Variants in LRRC7 observed in about 807,000 individuals in gnomAD.
The protein encoded by LRRC7 is leucine rich repeat containing 7, also known as leucine-rich repeat-containing protein 7.
A neutral mutation model predicts 175.7 loss-of-function variants in LRRC7; 23 were observed. The ratio of observed to expected loss-of-function variants is 0.13; its 90% CI spans 0.09 to 0.19. The LOEUF (loss-of-function observed/expected upper bound fraction) is 0.19, where lower values mean the gene tolerates loss of function less well. Ranked by LOEUF, LRRC7 falls within the 10% of genes least tolerant of loss-of-function variation. The probability of loss-of-function intolerance (pLI) is 1.00; values close to 1 mark genes in which losing one functional copy is unlikely to be tolerated. For missense variants in LRRC7, 1,354 were observed against 1,904.7 expected, an observed-to-expected ratio of 0.71 and a Z score of 5.38; for synonymous variants, 685 against 680.9, an observed-to-expected ratio of 1.01 and a Z score of -0.09.
chr1:69,735,960 A>G (rs1201276209), intron 2 of LRRC7, among the ~76,000 whole-genome samples: 1 of 152,078 alleles, frequency 6.6e-6, no homozygotes, highest in South Asian at 2.1e-4. Flanking sequence ...TTTTAAATTC[A>G]ATAAAACAAT....
chr1:69,835,078 T>A (rs889669402), intron 6 of LRRC7, among the ~76,000 whole-genome samples: 10 of 151,714 alleles, frequency 6.6e-5, no homozygotes, highest in African/African-American at 2.2e-4. Flanking sequence ...GTCAAATAAA[T>A]TCTAGATGAA....
chr1:70,076,797 A>T (rs1001613877), intron 24 of LRRC7, among the ~76,000 whole-genome samples: 1 of 152,204 alleles, frequency 6.6e-6, no homozygotes, highest in African/African-American at 2.4e-5. Context: ...AACAGTTAGA[A>T]GGGAAATGTT....
At position 69,645,237 on chromosome 1, in the gene LRRC7, CTAAT is replaced by C. The variant is rs368048903; in HGVS notation, c.3-33140_3-33137del. On this transcript the variant is annotated intron_variant, in intron 1 of 26. Transcript: ENST00000651989. ...GAATCTATAAAGCCAACTACCTGAA[CTAAT>C]TAAGACTGACAAATTCTAAATATGC... Among the ~76,000 whole-genome samples the C allele has an allele frequency of 1.3e-3, 203 of 151,984 alleles. 1 individual carries two copies. Among genetic ancestry groups the C allele is most frequent in the African/African-American group, 4.6e-3 (190 of 41,510 alleles).
chr1:69,625,164 C>T (rs1045968124), intron 1 of LRRC7, among the ~76,000 whole-genome samples: 7 of 151,676 alleles, frequency 4.6e-5, no homozygotes, highest in African/African-American at 1.7e-4. Flanking sequence ...GATTAAATAT[C>T]TTTAATAGTT....
intron 2 of LRRC7, among the ~76,000 whole-genome samples, chr1:69,722,697 G>A (rs1202786872): frequency 2.0e-5 from 3 of 151,902 alleles, no homozygotes; most frequent in Non-Finnish European, 4.4e-5. Context: ...ACTTCAAGTT[G>A]CGTTTTTCTA....
At chr1:70,099,597 A>G (rs1185194691) in intron 25 of LRRC7, among the ~76,000 whole-genome samples, 1 of 152,198 alleles carries the variant, frequency 6.6e-6, no homozygotes, top group African/African-American at 2.4e-5. Flanking sequence ...GTGATTTTAA[A>G]ATAGTGCAGA....
chr1:69,673,265 AT>A (rs1387215221), intron 1 of LRRC7, among the ~76,000 whole-genome samples: 1 of 152,196 alleles, frequency 6.6e-6, no homozygotes, highest in Non-Finnish European at 1.5e-5. Context: ...CTCTAGCCAA[AT>A]TTGGGAGACA....
intron 2 of LRRC7, among the ~76,000 whole-genome samples, chr1:69,697,303 A>G (rs1360485280): frequency 2.0e-5 from 3 of 152,236 alleles, no homozygotes; most frequent in South Asian, 2.1e-4. Flanking sequence ...CAGGTGCTCC[A>G]AACACAGCCT....
In LRRC7 at chr1:69,712,253, C is replaced by T. The variant is rs995191888; in HGVS notation, c.100+33775C>T. Among the ~76,000 whole-genome samples the T allele has an allele frequency of 1.9e-3, 292 of 152,048 alleles. 1 individual carries two copies. Among genetic ancestry groups the T allele is most frequent in the African/African-American group, 6.8e-3 (281 of 41,484 alleles). On this transcript the variant is annotated intron_variant, in intron 2 of 26. Coordinates refer to ENST00000651989, the MANE Select transcript of LRRC7 (RefSeq NM_001370785.2). ...GAAAAAGAACACACACACACACACA[C>T]ACACACACGTGCACACGCGCAAGTG...
intron 24 of LRRC7, among the ~76,000 whole-genome samples, chr1:70,080,661 T>C (rs1323672105): frequency 1.3e-5 from 2 of 152,232 alleles, no homozygotes; most frequent in African/African-American, 4.8e-5. Context: ...TATTAATTTC[T>C]GTAGACTATA....
At chr1:69,997,352 A>T (rs1287448574) in intron 11 of LRRC7, among the ~76,000 whole-genome samples, 2 of 151,186 alleles carry the variant, frequency 1.3e-5, no homozygotes, top group African/African-American at 4.9e-5. Context: ...GCAAACAGGG[A>T]CAATTTGACT....
chr1:69,983,054 A>G lies in LRRC7; in HGVS notation c.786+2601A>G, dbSNP rs1653592604. Among the ~76,000 whole-genome samples the G allele has an allele frequency of 2.0e-5, 3 of 152,252 alleles. 1 individual carries two copies. The highest frequency in any genetic ancestry group is 4.4e-5 in the Non-Finnish European group (3 of 68,046). Reference sequence around the variant, plus strand: ...ATATCTCATGATAAAGGAACAAAAAAGAAACACACACACACATATCATTCT... The same window carrying G: ...ATATCTCATGATAAAGGAACAAAAAGGAAACACACACACACATATCATTCT... On this transcript the variant is annotated intron_variant, in intron 9 of 26. Coordinates refer to ENST00000651989, the MANE Select transcript of LRRC7 (RefSeq NM_001370785.2).
intron 7 of LRRC7, among the ~76,000 whole-genome samples, chr1:69,927,099 T>C (rs940650131): frequency 6.6e-6 from 1 of 152,216 alleles, no homozygotes; most frequent in South Asian, 2.1e-4. Flanking sequence ...AATTGTGGGT[T>C]GAAAATTCTT....
intron 7 of LRRC7, among the ~76,000 whole-genome samples, chr1:69,909,276 A>T (rs28828746): frequency 6.6e-6 from 1 of 152,076 alleles, no homozygotes; most frequent in Non-Finnish European, 1.5e-5. Flanking sequence ...TTCATTTAAA[A>T]TTAATATTGT....
At chr1:70,028,143 T>C in intron 17 of LRRC7, 28 bp from the exon 18 acceptor site, 1 of 1,576,246 alleles carries the variant, frequency 6.3e-7, no homozygotes, top group Non-Finnish European at 8.7e-7. Flanking sequence ...GTTATTTTTA[T>C]GTTAAATTTC....
intron 1 of LRRC7, among the ~76,000 whole-genome samples, chr1:69,642,783 A>G (rs1654405354): frequency 6.6e-6 from 1 of 151,682 alleles, no homozygotes; most frequent in Non-Finnish European, 1.5e-5. Context: ...GGTATTCTCT[A>G]GAGAAACAGA....
intron 7 of LRRC7, chr1:69,879,805 T>A (rs909393178): frequency 6.6e-6 from 1 of 152,194 alleles, no homozygotes; most frequent in African/African-American, 2.4e-5. Context: ...CAGGTCAAAA[T>A]TTCCATACTG....
chr1:70,038,533 C>A lies in LRRC7; in HGVS notation c.2709C>A (p.Thr903=). Residue 903 remains threonine, a synonymous_variant, in exon 21 of 27, where the codon ACC becomes ACA. Coordinates refer to ENST00000651989, the MANE Select transcript of LRRC7 (RefSeq NM_001370785.2). The part of the protein sequence containing the change: ...RTAFPSKLET[T]PTTSPLPERK... ...CTTTTCCTTCCAAATTAGAGACAAC[C>A]CCCACTACCAGCCCATTGCCTGAAA... 1.2e-6 allele frequency: 2 copies of A among 1,614,034 alleles called. No homozygotes were observed. The highest frequency in any genetic ancestry group is 2.2e-5 in the East Asian group (1 of 44,864).
At chr1:69,922,137 G>C (rs1345432488) in intron 7 of LRRC7, among the ~76,000 whole-genome samples, 1 of 152,138 alleles carries the variant, frequency 6.6e-6, no homozygotes, top group African/African-American at 2.4e-5. Flanking sequence ...TGTTGGCCAG[G>C]CTGGTCTCGA....
Sources: gnomAD v4.1 joint callset for allele counts (sites outside exome capture counted in the v4.1 genomes callset) on GRCh38, gnomAD v4.1.1 for gene constraint, MANE v1.5 for transcripts, NCBI Gene and HGNC (gene_info 2026-07-23, HGNC 2026-07-21) for gene names.